Variants in GRHL2 observed in about 807,000 individuals in gnomAD.
GRHL2 encodes grainyhead-like protein 2 homolog.
A neutral mutation model predicts 83.8 loss-of-function variants in GRHL2; 21 were observed. The ratio of observed to expected loss-of-function variants is 0.25; its 90% CI spans 0.18 to 0.36. The LOEUF (loss-of-function observed/expected upper bound fraction) is 0.36. GRHL2 is among the 10% of genes least tolerant of loss of function. The pLI is 1.00. For synonymous variants in GRHL2, 280 were observed against 278.9 expected (o/e 1.00, Z -0.04); for missense variants, 623 against 781.8 (o/e 0.80, Z 2.42).
intron 1 of GRHL2, among the ~76,000 whole-genome samples, chr8:101,510,503 T>C (rs1810440103): frequency 6.6e-6 from 1 of 152,178 alleles, no homozygotes; most frequent in Non-Finnish European, 1.5e-5. Context: ...ATAAAATCTT[T>C]CAAGATTTTT....
chr8:101,524,442 GC>G (rs1810760813), intron 1 of GRHL2, among the ~76,000 whole-genome samples: 2 of 150,460 alleles, frequency 1.3e-5, no homozygotes, highest in South Asian at 4.2e-4. Context: ...TAACTTTTTA[GC>G]CTTTGTTCCC....
rs1208573118 is a variant in GRHL2 at position 101,652,397 on chromosome 8, GTC to G, written c.1698+2900_1698+2901del. Among the ~76,000 whole-genome samples the G allele has an allele frequency of 4.8e-3, 266 of 54,882 alleles. 12 individuals are homozygous for G. Among genetic ancestry groups the G allele is most frequent in the African/African-American group, 0.034 (199 of 5,776 alleles). 36.0% of individuals were successfully genotyped at this position (54,882 alleles called of 152,430 possible). A position where few individuals can be genotyped will look rare whatever the true frequency, so the allele number is the denominator to read the frequency against. On this transcript the variant is annotated intron_variant, in intron 14 of 15. Transcript: ENST00000646743. ...TGATGTGTGTGTGGTGTGTGTGTGTGTCTGGTGTGTGTGTGGTGTGTGTGTGT... is the reference window on the plus strand; with the variant it reads ...TGATGTGTGTGTGGTGTGTGTGTGTGTGGTGTGTGTGTGGTGTGTGTGTGT...
At chr8:101,677,166 A>G in the GRHL2 span, among the ~76,000 whole-genome samples, 1 of 151,894 alleles carries the variant, frequency 6.6e-6, no homozygotes, top group Non-Finnish European at 1.5e-5. Context: ...TACATATGTA[A>G]CAAACTTGCA....
At chr8:101,576,228 T>G (rs1261647965) in intron 6 of GRHL2, among the ~76,000 whole-genome samples, 2 of 152,130 alleles carry the variant, frequency 1.3e-5, no homozygotes, top group Non-Finnish European at 1.5e-5. Flanking sequence ...TGGTTTTGGT[T>G]TTTGAGACAG....
At chr8:101,652,594 G>GTGGTATGTGTGTA (rs1813693350) in intron 14 of GRHL2, among the ~76,000 whole-genome samples, 2 of 89,232 alleles carry the variant, frequency 2.2e-5, no homozygotes, top group Non-Finnish European at 4.0e-5. Flanking sequence ...GTGTCTGTGT[G>GTGGTATGTGTGTA]TGTGTGGTGT....
At chr8:101,539,715 G>C (rs1040569359) in intron 1 of GRHL2, among the ~76,000 whole-genome samples, 1 of 152,086 alleles carries the variant, frequency 6.6e-6, no homozygotes, top group African/African-American at 2.4e-5. Flanking sequence ...CCATTATTCT[G>C]CACTACCAAA....
intron 12 of GRHL2, 37 bp from the exon 13 acceptor site, chr8:101,644,094 C>A: frequency 1.3e-6 from 2 of 1,569,786 alleles, no homozygotes; most frequent in Non-Finnish European, 1.8e-6. Context: ...TGACACCTTG[C>A]TGGTTTTACT....
intron 1 of GRHL2, among the ~76,000 whole-genome samples, chr8:101,542,969 T>A (rs1811185672): frequency 6.6e-6 from 1 of 152,228 alleles, no homozygotes; most frequent in African/African-American, 2.4e-5. Context: ...CAATGTTGAC[T>A]AAATTTTAAC....
chr8:101,510,753 A>G (rs1810444371), intron 1 of GRHL2, among the ~76,000 whole-genome samples: 1 of 152,202 alleles, frequency 6.6e-6, no homozygotes, highest in South Asian at 2.1e-4. Context: ...ATGTTTTTCT[A>G]GGCATTGTAC....
In GRHL2 at chr8:101,635,717, T is replaced by TA. The variant is rs199942300; in HGVS notation, c.1486-1179dup. ...AGACTTGTTGTGGGGAGAAAAAACTTACCTCCACTGTTTTCTGTTTAAGAA... is the reference window on the plus strand; with the variant it reads ...AGACTTGTTGTGGGGAGAAAAAACTTAACCTCCACTGTTTTCTGTTTAAGAA... On this transcript the variant is annotated intron_variant, in intron 11 of 15. Transcript: ENST00000646743. Among the ~76,000 whole-genome samples the TA allele has an allele frequency of 8.4e-3, 1,275 of 152,328 alleles. 25 individuals are homozygous for TA. The highest frequency in any genetic ancestry group is 0.029 in the African/African-American group (1,223 of 41,560).
intron 5 of GRHL2, among the ~76,000 whole-genome samples, chr8:101,572,594 A>G (rs1188312182): frequency 6.6e-6 from 1 of 152,116 alleles, no homozygotes; most frequent in Non-Finnish European, 1.5e-5. Context: ...AAAAATAAAC[A>G]CAATGGAGAG....
rs746700037 is a variant in GRHL2 at position 101,558,626 on chromosome 8, A to G, written c.492A>G (p.Thr164=). The change falls in exon 4 of 16, where the codon ACA becomes ACG. Residue 164 remains threonine, a synonymous_variant. Coordinates refer to ENST00000646743, the MANE Select transcript of GRHL2 (RefSeq NM_024915.4). ...GITVVKAEDF[T]PVFMAPPVHY... ...CGGTGGTGAAAGCTGAAGATTTCAC[A>G]CCAGTTTTCATGGCCCCACCTGTGC... 6.2e-7 allele frequency: 1 copy of G among 1,614,112 alleles called. No individual in the cohort carries two copies. The highest frequency in any genetic ancestry group is 8.5e-7 in the Non-Finnish European group (1 of 1,179,990).
chr8:101,571,273 G>T (rs1207710120), intron 5 of GRHL2, among the ~76,000 whole-genome samples: 1 of 152,116 alleles, frequency 6.6e-6, no homozygotes, highest in Non-Finnish European at 1.5e-5. Flanking sequence ...TTAATAGCAG[G>T]TGTTTTCTAA....
intron 15 of GRHL2, among the ~76,000 whole-genome samples, chr8:101,666,032 G>A (rs1814047627): frequency 6.6e-6 from 1 of 152,188 alleles, no homozygotes; most frequent in African/African-American, 2.4e-5. Flanking sequence ...TGAACTTGGG[G>A]AAACAATTTA....
rs778332452 is a variant in GRHL2 at position 101,558,406 on chromosome 8, T to G, written c.285-13T>G. The G allele has an allele frequency of 2.5e-5, 40 of 1,611,214 alleles. No individual in the cohort carries two copies. The highest frequency in any genetic ancestry group is 3.3e-5 in the Non-Finnish European group (39 of 1,179,066). ...TCTAATTCTATCATGTTGCGGGGGG[T>G]TTCAACACACAGAAACTGCCTTGGC... On this transcript the variant is annotated splice_polypyrimidine_tract_variant and intron_variant, in intron 3 of 15. Coordinates refer to ENST00000646743, the MANE Select transcript of GRHL2 (RefSeq NM_024915.4).
intron 13 of GRHL2, among the ~76,000 whole-genome samples, chr8:101,645,116 A>ATTTTTTTTTT (rs553249046): frequency 1.7e-5 from 2 of 117,344 alleles, no homozygotes; most frequent in African/African-American, 6.6e-5. Context: ...GCAGTACAGA[A>ATTTTTTTTTT]TTTTTTTTTT....
intron 1 of GRHL2, among the ~76,000 whole-genome samples, chr8:101,515,348 T>A (rs1473304991): frequency 1.3e-5 from 2 of 152,176 alleles, no homozygotes; most frequent in African/African-American, 4.8e-5. Flanking sequence ...CCTGAGAATG[T>A]CTTTCTTCCC....
chr8:101,556,048 G>A (rs1178219685), intron 3 of GRHL2, among the ~76,000 whole-genome samples: 1 of 151,940 alleles, frequency 6.6e-6, no homozygotes, highest in African/African-American at 2.4e-5. Flanking sequence ...CTCCGATCCC[G>A]GCAGGTTCAA....
chr8:101,573,425 C>T (rs1811866643), intron 5 of GRHL2, among the ~76,000 whole-genome samples: 1 of 152,136 alleles, frequency 6.6e-6, no homozygotes, highest in South Asian at 2.1e-4. Flanking sequence ...ATTGGCCAGG[C>T]ACATCGTGGA....
Sources: gnomAD v4.1 joint callset for allele counts (sites outside exome capture counted in the v4.1 genomes callset) on GRCh38, gnomAD v4.1.1 for gene constraint, MANE v1.5 for transcripts, NCBI Gene and HGNC (gene_info 2026-07-23, HGNC 2026-07-21) for gene names.